ATP8B1: variants seen among roughly 807,000 people sequenced by gnomAD.
ATP8B1 encodes ATPase phospholipid transporting 8B1.
In ATP8B1, 80 loss-of-function variants were observed where a neutral mutation model predicts 149.9. The ratio of observed to expected loss-of-function variants is 0.53; its 90% CI spans 0.45 to 0.64. ATP8B1 has a LOEUF of 0.64. ATP8B1 is among the 30% of genes least tolerant of loss of function. The pLI, the probability that ATP8B1 is intolerant of heterozygous loss-of-function variation, is 0.00. For synonymous variants in ATP8B1, 536 were observed against 562.8 expected (o/e 0.95, Z 0.67); for missense variants, 1,247 against 1,552.6 (o/e 0.80, Z 3.31).
In ATP8B1 at chr18:57,652,538, G is replaced by A; in HGVS notation, c.3207C>T (p.Tyr1069=). ...VGQDGEAPSD[Y]QSFAVTIASA... The stretch of plus-strand genomic sequence containing the variant: ...AGGCAATGGTGACGGCAAAAGACTG[G>A]TAGTCGGAAGGTGCCTCTCCATCCT... Residue 1069 remains tyrosine, a synonymous_variant, in exon 25 of 28, where the codon TAC becomes TAT. Transcript: ENST00000648908. The A allele has an allele frequency of 6.2e-7, 1 of 1,614,182 alleles. No homozygotes were observed. Among genetic ancestry groups the A allele is most frequent in the Non-Finnish European group, 8.5e-7 (1 of 1,180,036 alleles).
chr18:57,704,789 T>G, intron 3 of ATP8B1, 121 bp from the exon 4 acceptor site: 1 of 737,416 alleles, frequency 1.4e-6, no homozygotes, highest in Non-Finnish European at 2.4e-6. Context: ...GTCAGAAAGA[T>G]ATTGAGGATT....
intron 20 of ATP8B1, among the ~76,000 whole-genome samples, chr18:57,662,889 G>C (rs1367979505): frequency 6.6e-6 from 1 of 152,110 alleles, no homozygotes; most frequent in Non-Finnish European, 1.5e-5. Context: ...GAGTTGCTGG[G>C]ACTATAGGCA....
intron 1 of ATP8B1, chr18:57,735,174 G>A (rs1217883255): frequency 1.8e-5 from 3 of 162,294 alleles, no homozygotes; most frequent in African/African-American, 7.2e-5. Flanking sequence ...GTTACCGCTA[G>A]AACTGAGCTT....
At chr18:57,745,779 C>T (rs2079958644) in intron 1 of ATP8B1, among the ~76,000 whole-genome samples, 1 of 151,994 alleles carries the variant, frequency 6.6e-6, no homozygotes, top group Non-Finnish European at 1.5e-5. Context: ...ACCTCAGCCT[C>T]CCAAGTAGCT....
rs557302229 is a variant in ATP8B1 at position 57,666,725 on chromosome 18, G to A, written c.2285+367C>T. Among the ~76,000 whole-genome samples, 29 of 152,034 alleles carry A rather than the reference G, an allele frequency of 1.9e-4. No homozygotes were observed. The East Asian group carries it at 4.3e-3, about 22-fold the overall frequency. On this transcript the variant is annotated intron_variant, in intron 20 of 27. Coordinates refer to ENST00000648908, the MANE Select transcript of ATP8B1 (RefSeq NM_001374385.1). ...TAATTTTTGTAGTTTTAGTAGAGAC[G>A]GGGTTTCACCATGTTGGCCAGGCTG...
At position 57,773,475 on chromosome 18, in the gene ATP8B1, C is replaced by T. The variant is rs545542187; in HGVS notation, c.-26+29523G>A. On this transcript the variant is annotated intron_variant, in intron 1 of 27. Coordinates refer to ENST00000648908, the MANE Select transcript of ATP8B1 (RefSeq NM_001374385.1). ...ATTGAAAAAGGTGCCCAGTTTCTAG[C>T]CTTAGCAACTGCTGCAGGCAGCTGA... Among the ~76,000 whole-genome samples the T allele has an allele frequency of 5.3e-5, 8 of 152,286 alleles. No homozygotes were observed. The South Asian group carries it at 1.7e-3, about 32-fold the overall frequency.
At chr18:57,787,681 T>C (rs185676449) in intron 1 of ATP8B1, among the ~76,000 whole-genome samples, 61 of 152,360 alleles carry the variant, frequency 4.0e-4, no homozygotes, top group African/African-American at 1.4e-3. Context: ...TTACTGATTT[T>C]CAGTTTTTAA....
chr18:57,672,931 TAA>T (rs1491233754), intron 16 of ATP8B1, among the ~76,000 whole-genome samples: 2,361 of 33,080 alleles, frequency 0.071, 318 homozygotes, highest in Middle Eastern at 0.094. Context: ...TATATATATA[TAA>T]CATGTATATA....
chr18:57,733,462 T>G (rs2079810510), intron 1 of ATP8B1, among the ~76,000 whole-genome samples: 1 of 152,064 alleles, frequency 6.6e-6, no homozygotes, highest in African/African-American at 2.4e-5. Context: ...ATCCCAGCAC[T>G]TTGGGAGGCC....
chr18:57,653,934 A>T, intron 24 of ATP8B1, 58 bp downstream of exon 24: 1 of 1,465,648 alleles, frequency 6.8e-7, no homozygotes, highest in East Asian at 2.3e-5. Context: ...TTTGCTTGGG[A>T]CTTCTCTAAC....
intron 4 of ATP8B1, among the ~76,000 whole-genome samples, chr18:57,701,985 A>G (rs1200103078): frequency 6.6e-6 from 1 of 152,200 alleles, no homozygotes; most frequent in African/African-American, 2.4e-5. Context: ...GGTGTGAGCC[A>G]CCGTGCCTGG....
chr18:57,765,427 T>G (rs1319562119), intron 1 of ATP8B1, among the ~76,000 whole-genome samples: 2 of 152,156 alleles, frequency 1.3e-5, no homozygotes, highest in East Asian at 3.9e-4. Flanking sequence ...CCCAGCACTT[T>G]GGGAGGTCAA....
intron 1 of ATP8B1, among the ~76,000 whole-genome samples, chr18:57,764,851 G>A (rs9964937): frequency 2.0e-5 from 3 of 151,250 alleles, no homozygotes; most frequent in African/African-American, 7.3e-5. Context: ...AATATAAAAC[G>A]GTGTAGCCAC....
Position 57,661,252 on chromosome 18 carries a change from C to T in ATP8B1, c.2629G>A (p.Val877Met). 2 of 1,614,094 alleles carry T rather than the reference C, an allele frequency of 1.2e-6. No individual in the cohort carries two copies. The highest frequency in any genetic ancestry group is 1.7e-6 in the Non-Finnish European group (2 of 1,180,020). Residue 877 changes from valine to methionine, a missense_variant, in exon 22 of 28, where the codon GTG (valine) becomes ATG (methionine). Val to Met is a conservative substitution (Grantham distance 21). Transcript: ENST00000648908. ...TTCTTGTACCTCTTCACCAGGTCCA[C>T]CACCATGGCCTTCTGCTTGGGGGTG... is the stretch of plus-strand genomic sequence containing the variant. The part of the protein sequence containing the change: ...RVTPKQKAMV[V>M]DLVKRYKKAI...
chr18:57,768,423 A>G (rs1375151532), intron 1 of ATP8B1, among the ~76,000 whole-genome samples: 3 of 150,938 alleles, frequency 2.0e-5, no homozygotes, highest in African/African-American at 4.8e-5. Flanking sequence ...AAAGAAAAGA[A>G]AAGAAAAAAA....
chr18:57,704,582 T>C lies in ATP8B1; in HGVS notation c.366A>G (p.Leu122=), dbSNP rs554824409. 6 of 1,605,050 alleles carry C rather than the reference T, an allele frequency of 3.7e-6. No homozygotes were observed. Among genetic ancestry groups the C allele is most frequent in the African/African-American group, 2.7e-5 (2 of 74,834 alleles). ...LFEQFKRAAN[L]YFLALLILQA... ...GTAAGATAAGAAGAGCCAGGAAATA[T>C]AAATTGGCTGCTCTCTTAAACTGCT... is the stretch of plus-strand genomic sequence containing the variant. The change falls in exon 4 of 28, where the codon TTA becomes TTG. Residue 122 remains leucine, a synonymous_variant. Transcript: ENST00000648908.
At chr18:57,696,393 C>T (rs577520199) in intron 8 of ATP8B1, among the ~76,000 whole-genome samples, 92 of 152,270 alleles carry the variant, frequency 6.0e-4, no homozygotes, top group African/African-American at 2.2e-3. Flanking sequence ...GGCAACTGCC[C>T]ATAATCCAAT....
Position 57,648,520 on chromosome 18 carries a change from T to G in ATP8B1, c.3724A>C (p.Thr1242Pro). 1.2e-6 allele frequency: 2 copies of G among 1,611,312 alleles called. No homozygotes were observed. The highest frequency in any genetic ancestry group is 1.7e-6 in the Non-Finnish European group (2 of 1,179,950). ...SPLDAIVADG[T>P]AEYRRTGDS The stretch of plus-strand genomic sequence containing the variant: ...TCCCCGGTGCGCCTGTACTCCGCGG[T>G]GCCATCCGCCACGATGGCATCAAGC... The change falls in exon 28 of 28, where the codon ACC becomes CCC. Residue 1242 changes from threonine (T) to proline (P), a missense_variant. By Grantham distance (38) the Thr-to-Pro change is conservative. Transcript: ENST00000648908.
At chr18:57,697,997 T>C in intron 6 of ATP8B1, 130 bp from the exon 7 acceptor site, 1 of 814,364 alleles carries the variant, frequency 1.2e-6, no homozygotes, top group Admixed American at 2.1e-5. Flanking sequence ...TTTTGCTCTT[T>C]AATGGATGTA....
Sources: allele counts gnomAD v4.1 joint callset (sites outside exome capture counted in the v4.1 genomes callset), GRCh38; gene constraint gnomAD v4.1.1; transcripts MANE v1.5; gene names NCBI Gene and HGNC (gene_info 2026-07-23, HGNC 2026-07-21).